DNAH2: variants seen among roughly 807,000 people sequenced by gnomAD.
DNAH2 encodes the protein axonemal beta dynein heavy chain 2.
In DNAH2, 323 loss-of-function variants were observed where a neutral mutation model predicts 523.5. That is an observed-to-expected ratio of 0.62 (90% confidence interval 0.56 to 0.68). The LOEUF is 0.68. Ranked by LOEUF, DNAH2 falls within the 30% of genes least tolerant of loss-of-function variation. The probability of loss-of-function intolerance (pLI) is 0.00; values close to 1 mark genes in which losing one functional copy is unlikely to be tolerated. For synonymous variants in DNAH2, 2,093 were observed against 2,177.4 expected, an observed-to-expected ratio of 0.96 and a Z score of 1.08; for missense variants, 4,907 against 5,701.5, an observed-to-expected ratio of 0.86 and a Z score of 4.49.
intron 68 of DNAH2, 83 bp downstream of exon 68, chr17:7,818,179 G>A: frequency 1.9e-6 from 3 of 1,598,456 alleles, no homozygotes; most frequent in East Asian, 2.2e-5. Context: ...CTTCTTACCT[G>A]TCCCTCCATT....
At chr17:7,743,352 A>G in intron 12 of DNAH2, 1 of 713,236 alleles carries the variant, frequency 1.4e-6, no homozygotes, top group Non-Finnish European at 2.5e-6. Flanking sequence ...TTTACAACTT[A>G]TCTTAAAACA....
At position 7,792,007 on chromosome 17, in the gene DNAH2, G is replaced by A. The variant is rs1468027618; in HGVS notation, c.6991G>A (p.Glu2331Lys). 1.2e-6 allele frequency: 2 copies of A among 1,613,912 alleles called. No homozygotes were observed. Among genetic ancestry groups the A allele is most frequent in the Non-Finnish European group, 8.5e-7 (1 of 1,180,022 alleles). ...CTGGTCTGTGTGTGCCTCTGTGGAT[G>A]AGGAGGGCCGGAAGAGGATCGACAG... ...MIWSVCASVD[E>K]EGRKRIDSYL... is the part of the protein sequence containing the mutation. The change falls in exon 45 of 86, where the codon GAG (glutamate) becomes AAG (lysine). Residue 2331 changes from glutamate to lysine, a missense_variant. Around this residue, in one of 3 missense-constraint regions of DNAH2, gnomAD observed 2,806 missense variants for 3,190.8 expected, o/e 0.88. Transcript: ENST00000572933.
At chr17:7,756,593 A>G (rs1247022137) in intron 12 of DNAH2, among the ~76,000 whole-genome samples, 2 of 152,072 alleles carry the variant, frequency 1.3e-5, no homozygotes, top group Non-Finnish European at 2.9e-5. Context: ...TCATTTTAAT[A>G]CTTGATCCAA....
intron 12 of DNAH2, among the ~76,000 whole-genome samples, chr17:7,749,515 T>A (rs2075626630): frequency 6.6e-6 from 1 of 151,862 alleles, no homozygotes; most frequent in African/African-American, 2.4e-5. Flanking sequence ...CTACTAGAAA[T>A]GTTTCTGTAT....
At position 7,778,166 on chromosome 17, in the gene DNAH2, C is replaced by A. The variant is rs1446792330; in HGVS notation, c.5337C>A (p.Thr1779=). 1 of 1,614,218 alleles carries A rather than the reference C, an allele frequency of 6.2e-7. No individual in the cohort carries two copies. Among genetic ancestry groups the A allele is most frequent in the East Asian group, 2.2e-5 (1 of 44,882 alleles). The change falls in exon 34 of 86, where the codon ACC becomes ACA. Residue 1779 remains threonine (T), a synonymous_variant. Coordinates refer to ENST00000572933, the MANE Select transcript of DNAH2 (RefSeq NM_020877.5). ...GTAACTCGGGCCGGCTCGTCATCAC[C>A]CCCCTGACGGACAGGTCTGCCATGT... ...YLGNSGRLVI[T]PLTDRCYMTL...
At chr17:7,743,256 T>C (rs774247239) in intron 12 of DNAH2, 114 bp downstream of exon 12, 2 of 1,138,764 alleles carry the variant, frequency 1.8e-6, no homozygotes, top group South Asian at 2.6e-5. Flanking sequence ...TCTCATACAA[T>C]ATGTTTGCTA....
intron 28 of DNAH2, among the ~76,000 whole-genome samples, chr17:7,772,585 T>G (rs1394790265): frequency 6.6e-6 from 1 of 152,218 alleles, no homozygotes; most frequent in Non-Finnish European, 1.5e-5. Context: ...GGGTCACCTC[T>G]GAGTTCACAC....
intron 44 of DNAH2, among the ~76,000 whole-genome samples, chr17:7,791,273 G>A (rs1318820274): frequency 6.6e-6 from 1 of 151,956 alleles, no homozygotes; most frequent in African/African-American, 2.4e-5. Flanking sequence ...GTTTCTCCAT[G>A]TTGGCCAGGC....
Position 7,778,090 on chromosome 17 carries a change from G to T in DNAH2, c.5261G>T (p.Cys1754Phe). The change falls in exon 34 of 86, where the codon TGT becomes TTT. Residue 1754 changes from cysteine to phenylalanine, a missense_variant. By Grantham distance (205) the Cys-to-Phe change is radical (BLOSUM62 -2). Transcript: ENST00000572933. ...RFYWEKDLDDCVIRQTNTQFQ... is the reference protein window; with the variant it reads ...RFYWEKDLDDFVIRQTNTQFQ... ...TGTTTTCCCCAGGATCTTGATGACT[G>T]TGTCATCCGCCAGACCAACACGCAA... 6.2e-7 allele frequency: 1 copy of T among 1,614,058 alleles called. No individual in the cohort carries two copies.
chr17:7,742,071 C>A (rs1020439234), intron 11 of DNAH2, among the ~76,000 whole-genome samples: 1 of 152,158 alleles, frequency 6.6e-6, no homozygotes, highest in African/African-American at 2.4e-5. Flanking sequence ...GGACAGGTGA[C>A]ACCCTTACAG....
intron 12 of DNAH2, chr17:7,755,069 G>T: frequency 3.8e-6 from 1 of 262,028 alleles, no homozygotes; most frequent in Non-Finnish European, 7.2e-6. Flanking sequence ...CGTGGAAACA[G>T]GTAAGTGCAT....
chr17:7,765,808 T>C, intron 21 of DNAH2, among the ~76,000 whole-genome samples: 1 of 151,648 alleles, frequency 6.6e-6, no homozygotes, highest in Non-Finnish European at 1.5e-5. Context: ...AGATGGAATC[T>C]CGCTCTGTCA....
chr17:7,776,731 G>A (rs375423430), intron 31 of DNAH2, 48 bp from the exon 32 acceptor site: 75 of 1,486,180 alleles, frequency 5.0e-5, no homozygotes, highest in South Asian at 2.2e-4. Flanking sequence ...TGGGCTGTGC[G>A]TGTAGCCAAG....
chr17:7,760,616 T>G lies in DNAH2; in HGVS notation c.2786-124T>G. ...ACTCCTTTACCTTCTAATGTGCATG[T>G]TTGAGCTGTATTTCTCTGGGAAGCT... On this transcript the variant is annotated intron_variant, in intron 17 of 85. Transcript: ENST00000572933. The surrounding 1 kb of genome is among the most constrained non-coding windows in gnomAD (Gnocchi z 4.0). 2 of 863,486 alleles carry G rather than the reference T, an allele frequency of 2.3e-6. No homozygotes were observed. The highest frequency in any genetic ancestry group is 1.8e-6 in the Non-Finnish European group (1 of 556,710). The allele number at this position is 863,486 out of a possible 1,614,324, so 53.5% of individuals were successfully genotyped here.
intron 39 of DNAH2, 129 bp from the exon 40 acceptor site, chr17:7,785,995 G>A (rs1004983901): frequency 2.3e-5 from 21 of 894,512 alleles, no homozygotes; most frequent in African/African-American, 1.8e-4. Context: ...GAACAGAGCC[G>A]GAGTGCAGAG....
chr17:7,776,174 G>A, intron 31 of DNAH2, 25 bp downstream of exon 31: 4 of 1,610,568 alleles, frequency 2.5e-6, no homozygotes, highest in Non-Finnish European at 3.4e-6. Flanking sequence ...ACAGAAGTGA[G>A]GGAACAAGGG....
intron 13 of DNAH2, among the ~76,000 whole-genome samples, 176 bp from the exon 14 acceptor site, chr17:7,758,319 C>T (rs2075901147): frequency 1.3e-5 from 2 of 152,058 alleles, no homozygotes; most frequent in Admixed American, 1.3e-4. Context: ...TTTGCACCAA[C>T]CTAAGAGAAC....
At chr17:7,819,114 A>G (rs777752292) in intron 71 of DNAH2, 51 bp downstream of exon 71, 1 of 1,601,234 alleles carries the variant, frequency 6.2e-7, no homozygotes, top group Non-Finnish European at 8.5e-7. Flanking sequence ...CCAAGATGCA[A>G]CTCCATCATG....
intron 2 of DNAH2, among the ~76,000 whole-genome samples, chr17:7,720,193 C>T (rs1244102351): frequency 6.6e-6 from 1 of 152,176 alleles, no homozygotes; most frequent in Non-Finnish European, 1.5e-5. Context: ...TTCAAGTGTT[C>T]CTGGTTGCTC....
Sources: allele counts gnomAD v4.1 joint callset (sites outside exome capture counted in the v4.1 genomes callset), GRCh38; gene constraint gnomAD v4.1.1; regional missense constraint gnomAD v4.1.1; non-coding constraint Gnocchi (gnomAD v3.1); transcripts MANE v1.5; gene names NCBI Gene and HGNC (gene_info 2026-07-23, HGNC 2026-07-21).